LRIG2: variants seen among roughly 807,000 people sequenced by gnomAD.
LRIG2 encodes the protein leucine-rich repeats and immunoglobulin-like domains protein 2.
Under a neutral mutation model 107.8 loss-of-function variants are expected in LRIG2, and 93 were observed. The observed-to-expected ratio is 0.86, with a 90% CI of 0.73 to 1.03. The LOEUF is 1.03. Ranked by LOEUF, LRIG2 falls within the 50% of genes least tolerant of loss-of-function variation. LRIG2 has a pLI of 0.00. For synonymous variants in LRIG2, 471 were observed against 470.6 expected, an observed-to-expected ratio of 1.00 and a Z score of -0.01; for missense variants, 1,226 against 1,296.0, an observed-to-expected ratio of 0.95 and a Z score of 0.83.
chr1:113,077,541 GTTCT>G lies in LRIG2; in HGVS notation c.239+3901_239+3904del, dbSNP rs546900203. Among the ~76,000 whole-genome samples, 338 of 152,116 alleles carry G rather than the reference GTTCT, an allele frequency of 2.2e-3. 2 individuals carry two copies. The highest frequency in any genetic ancestry group is 7.7e-3 in the African/African-American group (320 of 41,526). On this transcript the variant is annotated intron_variant, in intron 1 of 17. Transcript: ENST00000361127. Reference sequence around the variant, plus strand: ...ATACTTAGTTACCTATAGTTTTTTAGTTCTTTCTATTTTCATTATAATTGTTTAA... The same window carrying G: ...ATACTTAGTTACCTATAGTTTTTTAGTTCTATTTTCATTATAATTGTTTAA...
Position 113,096,309 on chromosome 1 carries a change from CAG to C in LRIG2, c.1038_1039del (p.Arg346SerfsTer6), listed in dbSNP as rs1242866868. On this transcript the variant is annotated frameshift_variant, in exon 8 of 18. Coordinates refer to ENST00000361127, the MANE Select transcript of LRIG2 (RefSeq NM_014813.3). LOFTEE classifies it high-confidence loss of function. ...TGGAGAGATTGAATTTAGGAGACAA[CAG>C]AGTCACTCATATTGCTGATGGTGTA... ...LLERLNLGDN[R>X]VTHIADGVFR... is the part of the protein sequence containing the mutation. 2 of 1,613,988 alleles carry C rather than the reference CAG, an allele frequency of 1.2e-6. No individual in the cohort carries two copies. The highest frequency in any genetic ancestry group is 1.7e-6 in the Non-Finnish European group (2 of 1,179,954).
In LRIG2 at chr1:113,076,827, G is replaced by C. The variant is rs150679613; in HGVS notation, c.239+3182G>C. On this transcript the variant is annotated intron_variant, in intron 1 of 17. Coordinates refer to ENST00000361127, the MANE Select transcript of LRIG2 (RefSeq NM_014813.3). ...GCTTCTCTGTATGAGAAACTCTCTAGAATATTATTTGATCATTCAGAGCTT... is the reference window on the plus strand; with the variant it reads ...GCTTCTCTGTATGAGAAACTCTCTACAATATTATTTGATCATTCAGAGCTT... Among the ~76,000 whole-genome samples, 679 of 152,192 alleles carry C rather than the reference G, an allele frequency of 4.5e-3. 3 individuals are homozygous for C. The highest frequency in any genetic ancestry group is 8.2e-3 in the Non-Finnish European group (561 of 68,012).
intron 1 of LRIG2, among the ~76,000 whole-genome samples, chr1:113,085,525 C>T (rs1300580741): frequency 6.6e-6 from 1 of 152,208 alleles, no homozygotes; most frequent in Non-Finnish European, 1.5e-5. Flanking sequence ...CTCAGGTGAT[C>T]CGCCCGCCTT....
At chr1:113,111,342 C>T (rs1003945783) in intron 13 of LRIG2, among the ~76,000 whole-genome samples, 4 of 152,232 alleles carry the variant, frequency 2.6e-5, no homozygotes, top group African/African-American at 9.6e-5. Flanking sequence ...AGCCTTATTT[C>T]AGTACCTTTT....
rs2101083646 is a variant in LRIG2, at chr1:113,131,142, C to T, written c.*7041C>T. The T allele has an allele frequency of 6.6e-6, 1 of 152,340 alleles. No individual in the cohort carries two copies. Among genetic ancestry groups the T allele is most frequent in the African/African-American group, 2.4e-5 (1 of 41,550 alleles). 9.4% of individuals were successfully genotyped at this position (152,340 alleles called of 1,614,324 possible). ...TAGAGATGGGGTTTCACCGTGTTGC[C>T]TAGGCTGGTCTTGAACTCCTGACCT... On this transcript the variant is annotated 3_prime_UTR_variant, in exon 18 of 18. Coordinates refer to ENST00000361127, the MANE Select transcript of LRIG2 (RefSeq NM_014813.3).
intron 1 of LRIG2, among the ~76,000 whole-genome samples, chr1:113,082,887 C>G (rs1570727009): frequency 6.6e-6 from 1 of 151,958 alleles, no homozygotes; most frequent in Admixed American, 6.6e-5. Flanking sequence ...AACTCCTGAC[C>G]TCAGGTGATC....
In LRIG2 at chr1:113,074,981, G is replaced by T. The variant is rs996368789; in HGVS notation, c.239+1336G>T. Among the ~76,000 whole-genome samples, 8 of 152,064 alleles carry T rather than the reference G, an allele frequency of 5.3e-5. No homozygotes were observed. The South Asian group carries it at 1.7e-3, about 32-fold the overall frequency. On this transcript the variant is annotated intron_variant, in intron 1 of 17. Transcript: ENST00000361127. ...GCTTGTAATCCCAGCACTCTGGGAG[G>T]CTGAGGCGGGCTGATCACCTAAGGT...
At chr1:113,074,791 C>G (rs1407019708) in intron 1 of LRIG2, among the ~76,000 whole-genome samples, 1 of 150,688 alleles carries the variant, frequency 6.6e-6, no homozygotes, top group Non-Finnish European at 1.5e-5. Flanking sequence ...CGCCTGTAGT[C>G]CCAGCTACTC....
At chr1:113,079,709 G>A (rs1426263400) in intron 1 of LRIG2, among the ~76,000 whole-genome samples, 1 of 149,372 alleles carries the variant, frequency 6.7e-6, no homozygotes, top group African/African-American at 2.4e-5. Context: ...AAAAAGAAAG[G>A]TTATACCTTT....
chr1:113,094,132 A>T (rs1002023101), intron 4 of LRIG2, among the ~76,000 whole-genome samples: 1 of 152,246 alleles, frequency 6.6e-6, no homozygotes, highest in Non-Finnish European at 1.5e-5. Flanking sequence ...GCATATTCAC[A>T]CATGCTGTTT....
chr1:113,118,947 AGCCACC>A (rs1655128335), intron 16 of LRIG2, among the ~76,000 whole-genome samples: 2 of 152,144 alleles, frequency 1.3e-5, no homozygotes, highest in African/African-American at 4.8e-5. Context: ...TACAGGCGTG[AGCCACC>A]GCACCCGGTA....
chr1:113,084,986 T>A (rs1653482414), intron 1 of LRIG2, among the ~76,000 whole-genome samples: 1 of 152,240 alleles, frequency 6.6e-6, no homozygotes. Flanking sequence ...GTAATTACAC[T>A]CTATCCAAAT....
intron 12 of LRIG2, among the ~76,000 whole-genome samples, chr1:113,108,225 C>CT (rs58719865): frequency 0.051 from 7,140 of 139,750 alleles, 483 homozygotes; most frequent in African/African-American, 0.15. Context: ...TTCAAATATA[C>CT]TTTTTTTTTT....
At chr1:113,093,385 G>C in intron 3 of LRIG2, 45 bp from the exon 4 acceptor site, 1 of 1,607,156 alleles carries the variant, frequency 6.2e-7, no homozygotes, top group Non-Finnish European at 8.5e-7. Context: ...TTGTGGCCTG[G>C]GGTGGATCAG....
intron 1 of LRIG2, among the ~76,000 whole-genome samples, chr1:113,087,474 G>T (rs1653608943): frequency 6.6e-6 from 1 of 152,036 alleles, no homozygotes; most frequent in Admixed American, 6.6e-5. Flanking sequence ...TCAGCCTCCC[G>T]AGTACCTGGG....
At chr1:113,081,545 G>A (rs1653283928) in intron 1 of LRIG2, among the ~76,000 whole-genome samples, 1 of 151,882 alleles carries the variant, frequency 6.6e-6, no homozygotes, top group South Asian at 2.1e-4. Context: ...GGATAGTCTC[G>A]ATCTCTTGAC....
chr1:113,073,940 C>T (rs1489783496), intron 1 of LRIG2, among the ~76,000 whole-genome samples: 1 of 137,516 alleles, frequency 7.3e-6, no homozygotes, highest in African/African-American at 2.8e-5. Flanking sequence ...GGTAAGGACT[C>T]ACGGGTCCTG....
chr1:113,107,787 A>G (rs774981461), intron 12 of LRIG2, 30 bp downstream of exon 12: 3 of 1,564,326 alleles, frequency 1.9e-6, no homozygotes, highest in East Asian at 2.3e-5. Context: ...AATTTTATAT[A>G]TTACACACTT....
intron 1 of LRIG2, among the ~76,000 whole-genome samples, chr1:113,081,970 G>C (rs1032841271): frequency 6.6e-6 from 1 of 152,168 alleles, no homozygotes; most frequent in Non-Finnish European, 1.5e-5. Flanking sequence ...GGATATTAGT[G>C]GCCAAGTAAA....
Sources: gnomAD v4.1 joint callset for allele counts (sites outside exome capture counted in the v4.1 genomes callset) on GRCh38, gnomAD v4.1.1 for gene constraint, MANE v1.5 for transcripts, NCBI Gene and HGNC (gene_info 2026-07-23, HGNC 2026-07-21) for gene names.